The following ZBTB34 variants were observed in gnomAD, a reference collection of about 807,000 sequenced individuals.
The protein encoded by ZBTB34 is zinc finger and BTB domain containing 34.
In ZBTB34, 1 loss-of-function variant was observed where a neutral mutation model predicts 33.4. The ratio of observed to expected loss-of-function variants is 0.03; its 90% CI spans 0.01 to 0.14. The LOEUF (loss-of-function observed/expected upper bound fraction) is 0.14. ZBTB34 is among the 10% of genes least tolerant of loss of function. The probability of loss-of-function intolerance (pLI) is 1.00; values close to 1 mark genes in which losing one functional copy is unlikely to be tolerated. For synonymous variants in ZBTB34, 283 were observed against 253.5 expected (o/e 1.12, Z -1.11); for missense variants, 406 against 657.2 (o/e 0.62, Z 4.18).
exon 2 of ZBTB34, chr9:126,883,592 A>G (rs945032986): frequency 1.2e-5 from 2 of 167,116 alleles, no homozygotes; most frequent in Admixed American, 1.3e-4. Flanking sequence ...TAAGGGGCAG[A>G]AAATTGATTG....
chr9:126,862,694 C>T (rs2033157597), intron 1 of ZBTB34, among the ~76,000 whole-genome samples: 2 of 152,298 alleles, frequency 1.3e-5, no homozygotes, highest in Non-Finnish European at 1.5e-5. Context: ...GACTTCCCTG[C>T]CCCCATGGCT....
intron 1 of ZBTB34, among the ~76,000 whole-genome samples, chr9:126,871,649 T>C (rs1191604373): frequency 6.6e-6 from 1 of 152,040 alleles, no homozygotes; most frequent in Non-Finnish European, 1.5e-5. Flanking sequence ...TTCTTTAAAG[T>C]AGGGTACAGA....
rs771186243 is a variant in ZBTB34, at chr9:126,880,608, C to T, written c.1209C>T (p.Pro403=). 3.7e-6 allele frequency: 6 copies of T among 1,613,784 alleles called. No individual in the cohort carries two copies. The African/African-American group carries it at 8.0e-5, about 22-fold the overall frequency. Residue 403 remains proline, a synonymous_variant, in exon 2 of 2, where the codon CCC becomes CCT. Transcript: ENST00000319119. This position sits in a 1 kb window ranked among gnomAD's most constrained non-coding sequence, Gnocchi z 6.7. ...TGCGACTCCATATGGGAATCACCCC[C>T]TTTGTGTGCAAGTTCTGTGGGAAGA...
chr9:126,861,246 C>A (rs2033139849), intron 1 of ZBTB34, among the ~76,000 whole-genome samples: 1 of 152,198 alleles, frequency 6.6e-6, no homozygotes, highest in Non-Finnish European at 1.5e-5. Context: ...GGTAAACAGG[C>A]GGCGGCGACG....
intron 1 of ZBTB34, among the ~76,000 whole-genome samples, chr9:126,869,203 C>A (rs1383624068): frequency 1.5e-5 from 2 of 130,540 alleles, no homozygotes; most frequent in African/African-American, 5.6e-5. Context: ...CCACCCCCCA[C>A]CCCATCTCCA....
chr9:126,862,253 T>C (rs1355732948), intron 1 of ZBTB34, among the ~76,000 whole-genome samples: 1 of 152,080 alleles, frequency 6.6e-6, no homozygotes, highest in African/African-American at 2.4e-5. Context: ...GAAGGGTTCA[T>C]ATAGGAGGGA....
At chr9:126,885,842 CA>C (rs1190516540) in exon 2 of ZBTB34, 2 of 167,036 alleles carry the variant, frequency 1.2e-5, no homozygotes, top group African/African-American at 4.8e-5. Flanking sequence ...AGTCAATGGA[CA>C]TTGCTGTTTG....
At chr9:126,870,148 T>C (rs1188517017) in intron 1 of ZBTB34, among the ~76,000 whole-genome samples, 2 of 152,186 alleles carry the variant, frequency 1.3e-5, no homozygotes, top group Non-Finnish European at 2.9e-5. Flanking sequence ...AGAGTTCTGG[T>C]TCTGATGGTT....
At chr9:126,874,123 G>A (rs1011745260) in intron 1 of ZBTB34, among the ~76,000 whole-genome samples, 1 of 132,868 alleles carries the variant, frequency 7.5e-6, no homozygotes, top group African/African-American at 2.8e-5. Context: ...CTCACTGCAA[G>A]CTCCGTCCTC....
chr9:126,861,723 G>A (rs967043376), intron 1 of ZBTB34, among the ~76,000 whole-genome samples: 2 of 152,122 alleles, frequency 1.3e-5, no homozygotes, highest in Non-Finnish European at 1.5e-5. Flanking sequence ...ATCACATTCC[G>A]CCGAGTTTTT....
chr9:126,865,308 A>G (rs562571225), intron 1 of ZBTB34, among the ~76,000 whole-genome samples: 37 of 152,214 alleles, frequency 2.4e-4, no homozygotes, highest in Non-Finnish European at 4.1e-4. Context: ...GTTGACATGT[A>G]CTGAGAGCCT....
At chr9:126,864,345 C>T (rs13285716) in intron 1 of ZBTB34, among the ~76,000 whole-genome samples, 35 of 152,134 alleles carry the variant, frequency 2.3e-4, no homozygotes, top group Non-Finnish European at 4.4e-4. Flanking sequence ...ACAGTAGGAG[C>T]CTACTGACCG....
In ZBTB34 at chr9:126,873,836, C is replaced by T. The variant is rs187959933; in HGVS notation, c.-10-5554C>T. Among the ~76,000 whole-genome samples, 540 of 150,678 alleles carry T rather than the reference C, an allele frequency of 3.6e-3. 4 individuals carry two copies. The highest frequency in any genetic ancestry group is 0.012 in the African/African-American group (512 of 40,992). ...ATCAGGCTGTTCTGGAACTCCTGACCGCAGGTGATTTCACCCGCCTCAGCC... is the reference window on the plus strand; with the variant it reads ...ATCAGGCTGTTCTGGAACTCCTGACTGCAGGTGATTTCACCCGCCTCAGCC... On this transcript the variant is annotated intron_variant, in intron 1 of 1. Transcript: ENST00000319119.
intron 1 of ZBTB34, among the ~76,000 whole-genome samples, chr9:126,870,615 T>C (rs973495217): frequency 1.2e-4 from 18 of 152,254 alleles, no homozygotes; most frequent in African/African-American, 4.3e-4. Flanking sequence ...TGAGAAAAGA[T>C]ATCAACCTCA....
rs374189877 is a variant in ZBTB34, at chr9:126,880,866, C to T, written c.1467C>T (p.Gly489=). The T allele has an allele frequency of 3.8e-5, 62 of 1,612,902 alleles. No individual in the cohort carries two copies. Among genetic ancestry groups the T allele is most frequent in the African/African-American group, 1.3e-5 (1 of 74,820 alleles). The change falls in exon 2 of 2, where the codon GGC becomes GGT. Residue 489 remains glycine, a synonymous_variant. Coordinates refer to ENST00000319119, the Ensembl canonical transcript of ZBTB34. The surrounding 1 kb of genome is among the most constrained non-coding windows in gnomAD (Gnocchi z 6.7). ...ATGACGCATCGGCCTCAGAGATGGG[C>T]CTAGATTCCCGGATGGAAATTCACA...
chr9:126,881,039 G>A (rs1263643201), exon 2 of ZBTB34: 6 of 1,106,740 alleles, frequency 5.4e-6, no homozygotes, highest in East Asian at 2.6e-5. Flanking sequence ...TTTTTCTAAA[G>A]TTTCTGGATG....
Position 126,884,848 on chromosome 9 carries a change from T to C in ZBTB34, c.*3934T>C, listed in dbSNP as rs572134760. 7.8e-5 allele frequency: 13 copies of C among 167,216 alleles called. No homozygotes were observed. In the East Asian group the frequency reaches 2.1e-3, roughly 27 times the overall value. The allele number at this position is 167,216 out of a possible 1,614,324, so 10.4% of individuals were successfully genotyped here. A position where few individuals can be genotyped will look rare whatever the true frequency, so the allele number is the denominator to read the frequency against. ...ACTGTGATTTTTGTTGTTGTTGTCC[T>C]CGTTATTGTTAAATTCTGTAATGGT... On this transcript the variant is annotated 3_prime_UTR_variant, in exon 2 of 2. Coordinates refer to ENST00000319119, the Ensembl canonical transcript of ZBTB34.
Position 126,879,873 on chromosome 9 carries a change from C to A in ZBTB34, c.474C>A (p.Ser158Arg). Residue 158 changes from serine to arginine, a missense_variant, in exon 2 of 2, where the codon AGC (serine) becomes AGA (arginine). Ser to Arg is a moderately radical substitution (Grantham distance 110, BLOSUM62 -1). Transcript: ENST00000319119. The surrounding 1 kb of genome is among the most constrained non-coding windows in gnomAD (Gnocchi z 6.4). ...AGAGTCGAAACGGAGTGAAAGACAGCAGCTTCTTTGCCAACCCAGTGGAGA... is the reference window on the plus strand; with the variant it reads ...AGAGTCGAAACGGAGTGAAAGACAGAAGCTTCTTTGCCAACCCAGTGGAGA... The A allele has an allele frequency of 6.2e-7, 1 of 1,613,046 alleles. No homozygotes were observed. Among genetic ancestry groups the A allele is most frequent in the South Asian group, 1.1e-5 (1 of 91,078 alleles).
chr9:126,876,767 A>G (rs2033369175), intron 1 of ZBTB34, among the ~76,000 whole-genome samples: 1 of 152,206 alleles, frequency 6.6e-6, no homozygotes, highest in South Asian at 2.1e-4. Flanking sequence ...TAGTTCTGCC[A>G]ATTTATGTTA....
Sources: allele counts gnomAD v4.1 joint callset (sites outside exome capture counted in the v4.1 genomes callset), GRCh38; gene constraint gnomAD v4.1.1; non-coding constraint Gnocchi (gnomAD v3.1); transcripts MANE v1.5; gene names NCBI Gene and HGNC (gene_info 2026-07-23, HGNC 2026-07-21).